MICAL3: variants seen among roughly 807,000 people sequenced by gnomAD.
MICAL3 encodes the protein [F-actin]-monooxygenase MICAL3.
Under a neutral mutation model 207.4 loss-of-function variants are expected in MICAL3, and 62 were observed. The ratio of observed to expected loss-of-function variants is 0.30; its 90% CI spans 0.24 to 0.37. The LOEUF is 0.37. MICAL3 is among the 10% of genes least tolerant of loss of function. The probability of loss-of-function intolerance (pLI) is 1.00; values close to 1 mark genes in which losing one functional copy is unlikely to be tolerated. For synonymous variants in MICAL3, 1,077 were observed against 1,069.3 expected (o/e 1.01, Z -0.14); for missense variants, 2,368 against 2,635.6 (o/e 0.90, Z 2.22).
chr22:17,989,556 C>G (rs1921429317), intron 1 of MICAL3, among the ~76,000 whole-genome samples: 1 of 152,148 alleles, frequency 6.6e-6, no homozygotes, highest in South Asian at 2.1e-4. Flanking sequence ...GCATGCTGCT[C>G]ACGCTCAACC....
intron 29 of MICAL3, among the ~76,000 whole-genome samples, chr22:17,792,068 C>T (rs566179143): frequency 4.6e-5 from 7 of 152,334 alleles, no homozygotes; most frequent in South Asian, 4.1e-4. Context: ...CAACAGGTGC[C>T]GATACCAAAC....
chr22:17,970,778 A>T (rs1456642296), intron 1 of MICAL3, among the ~76,000 whole-genome samples: 2 of 148,032 alleles, frequency 1.4e-5, no homozygotes, highest in Non-Finnish European at 1.5e-5. Context: ...AATGTGGAAA[A>T]TTTTTTTATC....
At chr22:17,955,345 T>C (rs867215728) in intron 1 of MICAL3, among the ~76,000 whole-genome samples, 1 of 152,216 alleles carries the variant, frequency 6.6e-6, no homozygotes, top group Non-Finnish European at 1.5e-5. Flanking sequence ...CAGGTGTGTG[T>C]CTGCCCTGCC....
chr22:17,995,784 C>T (rs557376490), intron 1 of MICAL3, among the ~76,000 whole-genome samples: 29 of 152,034 alleles, frequency 1.9e-4, no homozygotes, highest in Non-Finnish European at 4.1e-4. Context: ...GCTGGGATTA[C>T]AGGCATGACC....
chr22:17,835,265 A>T (rs1373209048), intron 20 of MICAL3, among the ~76,000 whole-genome samples: 1 of 150,626 alleles, frequency 6.6e-6, no homozygotes, highest in East Asian at 1.9e-4. Context: ...GGGAGCACAG[A>T]AGACAGCAGA....
chr22:17,877,270 T>TGGAGGTTAGGGAGGTTAG (rs200450591), intron 16 of MICAL3, among the ~76,000 whole-genome samples: 1 of 57,632 alleles, frequency 1.7e-5, no homozygotes. Context: ...AGGGAAGTTA[T>TGGAGGTTAGGGAGGTTAG]GGAGGTTAGG....
intron 27 of MICAL3, chr22:17,813,746 G>T (rs2062073717): frequency 6.6e-6 from 1 of 152,154 alleles, no homozygotes; most frequent in South Asian, 2.1e-4. Flanking sequence ...GTCACCACCC[G>T]TCCCTGTGTG....
At chr22:17,832,935 CAG>C (rs1174233945) in intron 20 of MICAL3, among the ~76,000 whole-genome samples, 1 of 152,202 alleles carries the variant, frequency 6.6e-6, no homozygotes, top group African/African-American at 2.4e-5. Context: ...AGCCACAGGA[CAG>C]AGACGATGGG....
chr22:17,953,000 C>T (rs1271311961), intron 1 of MICAL3, among the ~76,000 whole-genome samples: 1 of 152,220 alleles, frequency 6.6e-6, no homozygotes, highest in Non-Finnish European at 1.5e-5. Context: ...AGCAACTCTG[C>T]CTCCCATCCC....
rs189466579 is a variant in MICAL3, at chr22:17,951,391, C to G, written c.-74-44505G>C. Among the ~76,000 whole-genome samples, 879 of 152,088 alleles carry G rather than the reference C, an allele frequency of 5.8e-3. 7 individuals are homozygous for G. Among genetic ancestry groups the G allele is most frequent in the African/African-American group, 0.021 (853 of 41,498 alleles). On this transcript the variant is annotated intron_variant, in intron 1 of 31. Transcript: ENST00000441493. ...CCTTACTATTGTCGGTGAAATTCAG[C>G]AATGGAAAGTACTTCACACACTGGC...
chr22:17,838,408 A>G (rs1372125014), intron 20 of MICAL3, among the ~76,000 whole-genome samples: 4 of 152,194 alleles, frequency 2.6e-5, no homozygotes, highest in African/African-American at 9.7e-5. Flanking sequence ...AAGGAAACCA[A>G]TACAAGGCTG....
intron 22 of MICAL3, among the ~76,000 whole-genome samples, chr22:17,826,127 C>T (rs1173233668): frequency 1.3e-5 from 2 of 152,226 alleles, no homozygotes; most frequent in African/African-American, 4.8e-5. Flanking sequence ...CAATCGGTAA[C>T]CACCTCATTC....
At chr22:17,798,282 C>T (rs1408237985) in intron 29 of MICAL3, among the ~76,000 whole-genome samples, 1 of 152,212 alleles carries the variant, frequency 6.6e-6, no homozygotes, top group Non-Finnish European at 1.5e-5. Context: ...GCCCCACACC[C>T]TCCCTTCTGA....
Position 17,819,046 on chromosome 22 carries a change from T to C in MICAL3, c.3615A>G (p.Lys1205=). 6.3e-7 allele frequency: 1 copy of C among 1,589,676 alleles called. No individual in the cohort carries two copies. Among genetic ancestry groups the C allele is most frequent in the Non-Finnish European group, 8.6e-7 (1 of 1,168,014 alleles). The change falls in exon 26 of 32, where the codon AAA becomes AAG. Residue 1205 remains lysine, a synonymous_variant. Coordinates refer to ENST00000441493, the MANE Select transcript of MICAL3 (RefSeq NM_015241.3). ...AGGGGGCATCAGCTTTGGGCTTCTC[T>C]TTGGGGAGCAAAGGCTCAGGGAAAA... The part of the protein sequence containing the change: ...ERLFPEPLLP[K]EKPKADAPSD...
chr22:17,813,596 C>T (rs2145996680), intron 27 of MICAL3: 1 of 152,400 alleles, frequency 6.6e-6, no homozygotes, highest in Admixed American at 6.5e-5. Context: ...CCCGAAGCGG[C>T]TGCAAAAAGC....
intron 16 of MICAL3, among the ~76,000 whole-genome samples, chr22:17,873,038 C>G (rs771061719): frequency 3.3e-5 from 5 of 152,214 alleles, no homozygotes; most frequent in African/African-American, 1.2e-4. Context: ...AGAAAAACAT[C>G]GCGTCAGTGT....
intron 31 of MICAL3, 32 bp downstream of exon 31, chr22:17,790,966 C>T: frequency 6.2e-7 from 1 of 1,612,728 alleles, no homozygotes; most frequent in Non-Finnish European, 8.5e-7. Context: ...TGGCACCCAC[C>T]CTGGCCTCCA....
intron 1 of MICAL3, among the ~76,000 whole-genome samples, chr22:17,998,362 T>C (rs1175947737): frequency 1.2e-5 from 1 of 85,960 alleles, no homozygotes; most frequent in Non-Finnish European, 2.5e-5. Flanking sequence ...CCAACTCATT[T>C]GCAACTTAAA....
intron 1 of MICAL3, among the ~76,000 whole-genome samples, chr22:17,938,821 G>A (rs1399908299): frequency 1.3e-5 from 2 of 151,276 alleles, no homozygotes; most frequent in Non-Finnish European, 3.0e-5. Flanking sequence ...TGGGTAACAC[G>A]TGGTGAAGGT....
Sources: gnomAD v4.1 joint callset for allele counts (sites outside exome capture counted in the v4.1 genomes callset) on GRCh38, gnomAD v4.1.1 for gene constraint, MANE v1.5 for transcripts, NCBI Gene and HGNC (gene_info 2026-07-23, HGNC 2026-07-21) for gene names.